ZNF248: variants seen among roughly 807,000 people sequenced by gnomAD.
ZNF248 encodes the protein zinc finger protein 248.
ZNF248 carries 20 observed loss-of-function variants against 44.3 expected under a neutral mutation model. The observed-to-expected ratio is 0.45, with a 90% CI of 0.32 to 0.66. The LOEUF (loss-of-function observed/expected upper bound fraction) is 0.66, where lower values mean the gene tolerates loss of function less well. ZNF248 is among the 30% of genes least tolerant of loss of function. ZNF248 has a pLI of 0.04. For missense variants in ZNF248, 654 were observed against 677.0 expected (o/e 0.97, Z 0.38); for synonymous variants, 224 against 229.0 (o/e 0.98, Z 0.20).
chr10:37,847,740 A>T (rs111480231), intron 3 of ZNF248, among the ~76,000 whole-genome samples: 3 of 151,886 alleles, frequency 2.0e-5, no homozygotes, highest in African/African-American at 7.2e-5. Flanking sequence ...ACAAAAAAAA[A>T]TTATCTTGAA....
In ZNF248 at chr10:37,820,323, G is replaced by T. The variant is rs539650548; in HGVS notation, c.330+12702C>A. 6.4e-6 allele frequency: 9 copies of T among 1,398,238 alleles called. No homozygotes were observed. The South Asian group carries it at 1.0e-4, about 16-fold the overall frequency. The allele number at this position is 1,398,238 out of a possible 1,614,324, so 86.6% of individuals were successfully genotyped here. A position where few individuals can be genotyped will look rare whatever the true frequency, so the allele number is the denominator to read the frequency against. ...ACTGTTTTGCTGAGCTGAAACAGAA[G>T]TGAAGCACAGGCCAGCTCCCCTTTG... On this transcript the variant is annotated intron_variant, in intron 6 of 6. Transcript: ENST00000615949.
At chr10:37,825,138 C>G (rs1208718), downstream of ZNF248, among the ~76,000 whole-genome samples, 9,109 of 152,120 alleles carry the variant, frequency 0.06, 351 homozygotes, top group Middle Eastern at 0.095. Flanking sequence ...CATTGTTCCT[C>G]TAAAAAGGTA....
chr10:37,814,470 T>C (rs1018588549), intron 6 of ZNF248, among the ~76,000 whole-genome samples: 5 of 152,232 alleles, frequency 3.3e-5, no homozygotes, highest in African/African-American at 1.2e-4. Flanking sequence ...CATTTACCTT[T>C]ATCAGATATC....
chr10:37,830,676 T>A lies in ZNF248; in HGVS notation c.*939A>T, dbSNP rs1393604587. The A allele has an allele frequency of 1.1e-6, 1 of 925,768 alleles. No individual in the cohort carries two copies. The highest frequency in any genetic ancestry group is 6.2e-5 in the Admixed American group (1 of 16,182). 57.3% of individuals were successfully genotyped at this position (925,768 alleles called of 1,614,324 possible). A position where few individuals can be genotyped will look rare whatever the true frequency, so the allele number is the denominator to read the frequency against. ...AAAATTAAAACCCTGATTTATAGTT[T>A]GTCAATTTCCATGGTGTAAACACTC... On this transcript the variant is annotated 3_prime_UTR_variant, in exon 6 of 6. Coordinates refer to ENST00000395867, the MANE Select transcript of ZNF248 (RefSeq NM_021045.3).
the ZNF248 span, among the ~76,000 whole-genome samples, chr10:37,770,177 T>G: frequency 6.6e-6 from 1 of 152,144 alleles, no homozygotes; most frequent in Admixed American, 6.5e-5. Flanking sequence ...AGAATCAATA[T>G]TGTGAAAATG....
intron 6 of ZNF248, among the ~76,000 whole-genome samples, chr10:37,804,395 A>G (rs2050247862): frequency 6.6e-6 from 1 of 151,592 alleles, no homozygotes; most frequent in Non-Finnish European, 1.5e-5. Context: ...TAAAATGATT[A>G]TTTGAATTAT....
chr10:37,765,988 G>A, the ZNF248 span, among the ~76,000 whole-genome samples: 15 of 152,348 alleles, frequency 9.8e-5, no homozygotes, highest in South Asian at 1.7e-3. Flanking sequence ...AGGGTCCTAC[G>A]CCCACGGAGT....
chr10:37,824,710 C>A (rs1378045814), downstream of ZNF248, among the ~76,000 whole-genome samples: 1 of 35,008 alleles, frequency 2.9e-5, no homozygotes, highest in African/African-American at 1.3e-4. Flanking sequence ...GAGACGGAGT[C>A]TCCCTCTGTA....
the ZNF248 span, among the ~76,000 whole-genome samples, chr10:37,769,042 G>C: frequency 6.6e-6 from 1 of 151,968 alleles, no homozygotes; most frequent in Non-Finnish European, 1.5e-5. Context: ...AAAATTCCTC[G>C]ACACATACAC....
chr10:37,785,524 CCT>C (rs2047787173), intron 6 of ZNF248, among the ~76,000 whole-genome samples: 1 of 152,168 alleles, frequency 6.6e-6, no homozygotes, highest in Non-Finnish European at 1.5e-5. Context: ...ATGGCACTTA[CCT>C]CTGTCATATG....
chr10:37,770,045 A>C, the ZNF248 span, among the ~76,000 whole-genome samples: 205 of 152,330 alleles, frequency 1.3e-3, 1 homozygote, highest in African/African-American at 4.7e-3. Context: ...AGATTAAAAT[A>C]CCTAGAAATC....
chr10:37,808,486 T>C (rs1344098936), intron 6 of ZNF248, among the ~76,000 whole-genome samples: 2 of 151,994 alleles, frequency 1.3e-5, no homozygotes, highest in Non-Finnish European at 2.9e-5. Flanking sequence ...AGTTTCGCCA[T>C]GTTGACCAGG....
intron 3 of ZNF248, 39 bp from the exon 4 acceptor site, chr10:37,838,150 C>T (rs1233889798): frequency 6.4e-7 from 1 of 1,570,366 alleles, no homozygotes; most frequent in Admixed American, 1.8e-5. Flanking sequence ...ATGGTCAGAA[C>T]TAGATGATAC....
chr10:37,773,880 C>T (rs760262714), downstream of ZNF248, among the ~76,000 whole-genome samples: 1 of 152,126 alleles, frequency 6.6e-6, no homozygotes, highest in Non-Finnish European at 1.5e-5. Flanking sequence ...AATTATGCCT[C>T]AAGACTGCAG....
intron 3 of ZNF248, among the ~76,000 whole-genome samples, chr10:37,853,004 G>C (rs530386564): frequency 4.3e-4 from 65 of 152,122 alleles, no homozygotes; most frequent in African/African-American, 1.5e-3. Flanking sequence ...TGGGACTACA[G>C]ATGTGCGCCA....
At chr10:37,813,275 T>A (rs1015365225) in intron 6 of ZNF248, among the ~76,000 whole-genome samples, 2 of 152,256 alleles carry the variant, frequency 1.3e-5, no homozygotes, top group African/African-American at 4.8e-5. Flanking sequence ...TTTTAACTTC[T>A]TTTATGACAT....
chr10:37,767,350 A>G, the ZNF248 span, among the ~76,000 whole-genome samples: 2 of 152,168 alleles, frequency 1.3e-5, no homozygotes, highest in Admixed American at 1.3e-4. Flanking sequence ...AAATGAAGGA[A>G]AAAATGTTAA....
chr10:37,844,622 C>A (rs1564638080), intron 3 of ZNF248, among the ~76,000 whole-genome samples: 1 of 152,124 alleles, frequency 6.6e-6, no homozygotes, highest in Non-Finnish European at 1.5e-5. Flanking sequence ...TGGATAGGAG[C>A]AGAGTTTTTG....
chr10:37,851,759 C>G (rs2060268897), intron 3 of ZNF248, among the ~76,000 whole-genome samples: 1 of 39,152 alleles, frequency 2.6e-5, no homozygotes, highest in Non-Finnish European at 4.9e-5. Context: ...ATATACCCAT[C>G]AGAATGACCA....
Sources: gnomAD v4.1 joint callset for allele counts (sites outside exome capture counted in the v4.1 genomes callset) on GRCh38, gnomAD v4.1.1 for gene constraint, MANE v1.5 for transcripts, NCBI Gene and HGNC (gene_info 2026-07-23, HGNC 2026-07-21) for gene names.